BCLAF1: variants seen among roughly 807,000 people sequenced by gnomAD.
BCLAF1 encodes the protein bcl-2-associated transcription factor 1.
Under a neutral mutation model 99.5 loss-of-function variants are expected in BCLAF1, and 10 were observed. The observed-to-expected ratio is 0.10, with a 90% CI of 0.06 to 0.17. The LOEUF is 0.17. Among genes scored for constraint, BCLAF1 ranks in the 10% least tolerant of loss-of-function variants. BCLAF1 has a pLI of 1.00. For synonymous variants in BCLAF1, 255 were observed against 370.9 expected, an observed-to-expected ratio of 0.69 and a Z score of 3.59; for missense variants, 636 against 1,105.8, an observed-to-expected ratio of 0.58 and a Z score of 6.02.
rs562169770 is a variant in BCLAF1 at position 136,278,800 on chromosome 6, G to C, written c.105-24C>G. 1.2e-5 allele frequency: 18 copies of C among 1,468,970 alleles called. No homozygotes were observed. In the Admixed American group the frequency reaches 3.9e-4, roughly 32 times the overall value. The allele number at this position is 1,468,970 out of a possible 1,614,324, so 91.0% of individuals were successfully genotyped here. On this transcript the variant is annotated intron_variant, in intron 3 of 12. Coordinates refer to ENST00000531224, the MANE Select transcript of BCLAF1 (RefSeq NM_014739.3). ...AACTAAAAATGAAATAAATATCAAT[G>C]CAAGAAAAATAAAGTATTCCATGCT...
Position 136,261,281 on chromosome 6 carries a change from C to G in BCLAF1, c.2741G>C (p.Arg914Thr). Reference protein sequence around the residue: ...TMENNEEKKDRRKEEKE With the variant: ...TMENNEEKKDTRKEEKE ...ATTTTATACCTTTTCTTCCTTGCGT[C>G]TGTCCTTCTTTTCTTCATTATTTTC... The change falls in exon 12 of 13, where the codon AGA becomes ACA. Residue 914 changes from arginine to threonine, a missense_variant. Transcript: ENST00000531224. 10 of 1,613,408 alleles carry G rather than the reference C, an allele frequency of 6.2e-6. No individual in the cohort carries two copies. Among genetic ancestry groups the G allele is most frequent in the African/African-American group, 1.3e-5 (1 of 74,968 alleles).
rs950443102 is a variant in BCLAF1, at chr6:136,257,261, G to C, written c.*3849C>G. 6.6e-6 allele frequency: 1 copy of C among 152,106 alleles called. No homozygotes were observed. Among genetic ancestry groups the C allele is most frequent in the African/African-American group, 2.4e-5 (1 of 41,424 alleles). The allele number at this position is 152,106 out of a possible 1,614,324, so 9.4% of individuals were successfully genotyped here. A position where few individuals can be genotyped will look rare whatever the true frequency, so the allele number is the denominator to read the frequency against. On this transcript the variant is annotated 3_prime_UTR_variant, in exon 13 of 13. Transcript: ENST00000531224. ...AGATTACAATTAAGACACATTATTT[G>C]AATGTTTCTAGTTGTGGTGGAATGC...
chr6:136,280,500 T>C (rs1784232904), intron 2 of BCLAF1, among the ~76,000 whole-genome samples: 1 of 152,152 alleles, frequency 6.6e-6, no homozygotes, highest in South Asian at 2.1e-4. Context: ...TGGACTTATG[T>C]GACAATGCCT....
intron 10 of BCLAF1, 69 bp downstream of exon 10, chr6:136,268,093 G>T: frequency 7.5e-7 from 1 of 1,338,302 alleles, no homozygotes; most frequent in South Asian, 1.7e-5. Context: ...TCATGTATAT[G>T]ACCTTCCTTA....
chr6:136,285,203 A>T (rs1201290742), intron 1 of BCLAF1, among the ~76,000 whole-genome samples: 1 of 152,210 alleles, frequency 6.6e-6, no homozygotes, highest in Non-Finnish European at 1.5e-5. Flanking sequence ...TTACATTTTA[A>T]GATGGCTGCT....
chr6:136,279,999 T>A, intron 2 of BCLAF1, 123 bp from the exon 3 acceptor site: 4 of 1,139,284 alleles, frequency 3.5e-6, no homozygotes, highest in Non-Finnish European at 4.5e-6. Context: ...TTATTCACCA[T>A]CCTTTTCAAA....
rs767814731 is a variant in BCLAF1, at chr6:136,278,690, T to C, written c.191A>G (p.Asn64Ser). 6 of 1,613,314 alleles carry C rather than the reference T, an allele frequency of 3.7e-6. No homozygotes were observed. In the East Asian group the frequency reaches 1.3e-4, roughly 36 times the overall value. The change falls in exon 4 of 13, where the codon AAT becomes AGT. Residue 64 changes from asparagine (N) to serine (S), a missense_variant. Asn to Ser is a conservative substitution (Grantham distance 46). Coordinates refer to ENST00000531224, the MANE Select transcript of BCLAF1 (RefSeq NM_014739.3). ...SRDYRRDYRN[N>S]RGMRRPYGYR... Reference sequence around the variant, plus strand: ...CCCATAAGGTCGTCTCATTCCTCTATTATTTCTGTAATCGCGACGATAATC... The same window carrying C: ...CCCATAAGGTCGTCTCATTCCTCTACTATTTCTGTAATCGCGACGATAATC...
intron 1 of BCLAF1, among the ~76,000 whole-genome samples, chr6:136,285,235 G>GA (rs1047609969): frequency 6.6e-6 from 1 of 152,000 alleles, no homozygotes; most frequent in Non-Finnish European, 1.5e-5. Flanking sequence ...AAACAGCAAT[G>GA]AAAAAAAGAG....
intron 1 of BCLAF1, among the ~76,000 whole-genome samples, chr6:136,284,384 C>CTGATTA (rs1303129822): frequency 1.3e-5 from 2 of 151,852 alleles, no homozygotes; most frequent in Non-Finnish European, 1.5e-5. Context: ...GTATCAAAGA[C>CTGATTA]TGATTAGTTC....
chr6:136,269,920 T>C (rs1782276173), intron 8 of BCLAF1: 1 of 203,214 alleles, frequency 4.9e-6, no homozygotes, highest in Admixed American at 5.6e-5. Context: ...ATGATACAAA[T>C]ATTTTTTCCA....
chr6:136,286,460 G>C (rs1785143932), intron 1 of BCLAF1, among the ~76,000 whole-genome samples: 1 of 152,160 alleles, frequency 6.6e-6, no homozygotes, highest in African/African-American at 2.4e-5. Flanking sequence ...ACAAGTACAG[G>C]GTTAAATGAA....
intron 1 of BCLAF1, among the ~76,000 whole-genome samples, chr6:136,284,916 G>A (rs914037709): frequency 2.6e-5 from 4 of 152,068 alleles, no homozygotes; most frequent in African/African-American, 7.2e-5. Context: ...CCCTCTTTAA[G>A]GAGGTAACAT....
At chr6:136,270,868 A>C (rs769994372) in intron 8 of BCLAF1, among the ~76,000 whole-genome samples, 1 of 151,818 alleles carries the variant, frequency 6.6e-6, no homozygotes, top group Non-Finnish European at 1.5e-5. Context: ...GGGAAAACTA[A>C]ATTAACAACT....
chr6:136,269,627 TATAAA>T lies in BCLAF1; in HGVS notation c.2044-20_2044-16del. The T allele has an allele frequency of 6.4e-7, 1 of 1,560,124 alleles. No homozygotes were observed. The highest frequency in any genetic ancestry group is 8.6e-7 in the Non-Finnish European group (1 of 1,159,894). ...TTTTTATCTCCCTATAAAAGACAGA[TATAAA>T]ATACAGATTTCAGGGGAGAAATAGA... On this transcript the variant is annotated splice_polypyrimidine_tract_variant and intron_variant, in intron 8 of 12. Coordinates refer to ENST00000531224, the MANE Select transcript of BCLAF1 (RefSeq NM_014739.3).
chr6:136,264,493 C>T (rs1224034441), intron 11 of BCLAF1, among the ~76,000 whole-genome samples: 1 of 152,172 alleles, frequency 6.6e-6, no homozygotes, highest in Non-Finnish European at 1.5e-5. Flanking sequence ...GTGTGAGCCA[C>T]CGTGCCTGGC....
At chr6:136,278,808 A>G (rs747741934) in intron 3 of BCLAF1, 32 bp from the exon 4 acceptor site, 9 of 1,467,290 alleles carry the variant, frequency 6.1e-6, no homozygotes, top group Non-Finnish European at 8.1e-6. Flanking sequence ...ATGCAAGAAA[A>G]ATAAAGTATT....
Position 136,257,977 on chromosome 6 carries a change from A to C in BCLAF1, c.*3133T>G, listed in dbSNP as rs552720374. ...ATTATCCAGTATAATTAAGCTACCA[A>C]TGATCTTACACAACACTTTACATGC... On this transcript the variant is annotated 3_prime_UTR_variant, in exon 13 of 13. Coordinates refer to ENST00000531224, the MANE Select transcript of BCLAF1 (RefSeq NM_014739.3). 1 of 152,252 alleles carries C rather than the reference A, an allele frequency of 6.6e-6. No individual in the cohort carries two copies. The highest frequency in any genetic ancestry group is 6.5e-5 in the Admixed American group (1 of 15,304). 9.4% of individuals were successfully genotyped at this position (152,252 alleles called of 1,614,324 possible). A position where few individuals can be genotyped will look rare whatever the true frequency, so the allele number is the denominator to read the frequency against.
rs1019207333 is a variant in BCLAF1, at chr6:136,259,688, T to C, written c.*1422A>G. The C allele has an allele frequency of 6.6e-6, 1 of 152,166 alleles. No individual in the cohort carries two copies. The highest frequency in any genetic ancestry group is 2.1e-4 in the South Asian group (1 of 4,828). 9.4% of individuals were successfully genotyped at this position (152,166 alleles called of 1,614,324 possible). The stretch of plus-strand genomic sequence containing the variant: ...ATGTTCCTGGCTGTAATCTAGGTGC[T>C]AGACGCACTGCAAATCCTCGAAAGT... On this transcript the variant is annotated 3_prime_UTR_variant, in exon 13 of 13. Coordinates refer to ENST00000531224, the MANE Select transcript of BCLAF1 (RefSeq NM_014739.3).
intron 6 of BCLAF1, chr6:136,274,242 G>T: frequency 1.0e-6 from 1 of 1,001,898 alleles, no homozygotes; most frequent in Middle Eastern, 2.5e-4. Flanking sequence ...TCTATATAAA[G>T]TAAGAGCTGT....
Sources: gnomAD v4.1 joint callset for allele counts (sites outside exome capture counted in the v4.1 genomes callset) on GRCh38, gnomAD v4.1.1 for gene constraint, MANE v1.5 for transcripts, NCBI Gene and HGNC (gene_info 2026-07-23, HGNC 2026-07-21) for gene names.